PACS1: variants seen among roughly 807,000 people sequenced by gnomAD.
PACS1 encodes phosphofurin acidic cluster sorting protein 1.
Under a neutral mutation model 115.0 loss-of-function variants are expected in PACS1, and 24 were observed. That is an observed-to-expected ratio of 0.21 (90% CI 0.15 to 0.29). The LOEUF is 0.29. Among genes scored for constraint, PACS1 ranks in the 10% least tolerant of loss-of-function variants. The pLI, the probability that PACS1 is intolerant of heterozygous loss-of-function variation, is 1.00. For synonymous variants in PACS1, 453 were observed against 504.5 expected (o/e 0.90, Z 1.37); for missense variants, 838 against 1,251.2 (o/e 0.67, Z 4.98).
intron 1 of PACS1, among the ~76,000 whole-genome samples, chr11:66,083,409 G>A (rs1050351731): frequency 6.6e-6 from 1 of 152,142 alleles, no homozygotes; most frequent in Non-Finnish European, 1.5e-5. Flanking sequence ...AAGAATGGCC[G>A]TAATTATTAA....
chr11:66,189,340 A>T (rs892833286), intron 1 of PACS1, among the ~76,000 whole-genome samples: 1 of 152,224 alleles, frequency 6.6e-6, no homozygotes. Flanking sequence ...CTAAGGTACT[A>T]AATCTTTCTT....
chr11:66,173,090 G>T (rs1217985375), intron 1 of PACS1, among the ~76,000 whole-genome samples: 3 of 141,424 alleles, frequency 2.1e-5, no homozygotes, highest in Non-Finnish European at 4.5e-5. Flanking sequence ...TTTTGATTTT[G>T]GTTTTTTTTT....
chr11:66,132,394 C>A (rs1219596235), intron 1 of PACS1, among the ~76,000 whole-genome samples: 1 of 152,112 alleles, frequency 6.6e-6, no homozygotes, highest in East Asian at 1.9e-4. Flanking sequence ...TACCCAGTCT[C>A]ATGTAGTATC....
intron 2 of PACS1, among the ~76,000 whole-genome samples, chr11:66,198,609 T>A (rs973662320): frequency 3.3e-5 from 5 of 152,112 alleles, no homozygotes; most frequent in Non-Finnish European, 4.4e-5. Flanking sequence ...GTGGGCAGAC[T>A]GCAGAGGGTG....
At chr11:66,197,207 G>A (rs1854669910) in intron 2 of PACS1, among the ~76,000 whole-genome samples, 1 of 152,030 alleles carries the variant, frequency 6.6e-6, no homozygotes, top group Non-Finnish European at 1.5e-5. Flanking sequence ...AGTCTAAAGA[G>A]TTCCTGTATA....
At chr11:66,230,381 C>A (rs1234789365) in intron 11 of PACS1, 167 bp from the exon 12 acceptor site, 2 of 611,584 alleles carry the variant, frequency 3.3e-6, no homozygotes, top group African/African-American at 1.9e-5. Flanking sequence ...TGAACAGTGG[C>A]GATTTTCCTT....
At chr11:66,209,219 A>G (rs1855015714) in intron 2 of PACS1, among the ~76,000 whole-genome samples, 1 of 152,064 alleles carries the variant, frequency 6.6e-6, no homozygotes, top group Admixed American at 6.6e-5. Context: ...AAAGCATCCA[A>G]GAAGAGAAGA....
chr11:66,169,576 T>TTC (rs1270315256), intron 1 of PACS1, among the ~76,000 whole-genome samples: 2 of 144,876 alleles, frequency 1.4e-5, no homozygotes, highest in Admixed American at 6.8e-5. Flanking sequence ...ATTTTTTTTT[T>TTC]TTTTTTTTGT....
At chr11:66,126,189 A>G (rs1043145148) in intron 1 of PACS1, among the ~76,000 whole-genome samples, 1 of 152,180 alleles carries the variant, frequency 6.6e-6, no homozygotes, top group African/African-American at 2.4e-5. Context: ...CAGTGGTTTC[A>G]TAGTTGTATA....
intron 1 of PACS1, among the ~76,000 whole-genome samples, chr11:66,170,808 T>G (rs1590794139): frequency 7.0e-6 from 1 of 143,098 alleles, no homozygotes; most frequent in Admixed American, 7.0e-5. Context: ...CAGGGTGTGG[T>G]GGCATGCACG....
intron 1 of PACS1, among the ~76,000 whole-genome samples, chr11:66,172,713 G>A (rs944297389): frequency 2.0e-5 from 3 of 152,076 alleles, no homozygotes; most frequent in Non-Finnish European, 2.9e-5. Flanking sequence ...AGCCAGGTGC[G>A]GTGGCTCACA....
chr11:66,234,866 C>T (rs954994680), intron 17 of PACS1, among the ~76,000 whole-genome samples: 17 of 151,852 alleles, frequency 1.1e-4, no homozygotes, highest in African/African-American at 2.7e-4. Context: ...AGTGAAACTC[C>T]GTCTCAAAAG....
At position 66,235,922 on chromosome 11, in the gene PACS1, G is replaced by T; in HGVS notation, c.2232G>T (p.Lys744Asn). Residue 744 changes from lysine (K) to asparagine (N), a missense_variant, in exon 19 of 24, where the codon AAG becomes AAT. Physicochemically the swap from Lys to Asn is moderately conservative, Grantham distance 94 (BLOSUM62 0). This residue lies in a region of PACS1 where 383 missense variants were observed against 537.0 expected (regional missense o/e 0.71). Transcript: ENST00000320580. This position sits in a 1 kb window ranked among gnomAD's most constrained non-coding sequence, Gnocchi z 5.6. ...HKFPDEDSYQ[K>N]FIPFIGVVKV... is the part of the protein sequence containing the mutation. ...GCCCTGATGAAGACTCCTATCAGAA[G>T]TTTATTCCCTTCATTGGCGTGAGTA... The T allele has an allele frequency of 6.2e-7, 1 of 1,614,046 alleles. No homozygotes were observed. The highest frequency in any genetic ancestry group is 8.5e-7 in the Non-Finnish European group (1 of 1,179,942).
chr11:66,105,481 T>C (rs1417944620), intron 1 of PACS1, among the ~76,000 whole-genome samples: 3 of 152,150 alleles, frequency 2.0e-5, no homozygotes, highest in Non-Finnish European at 2.9e-5. Context: ...GAAATGTTTA[T>C]GGTAGGTCAA....
At chr11:66,130,023 A>AC (rs1039983499) in intron 1 of PACS1, among the ~76,000 whole-genome samples, 7 of 152,072 alleles carry the variant, frequency 4.6e-5, no homozygotes, top group Non-Finnish European at 8.8e-5. Context: ...CATCCAGTCT[A>AC]CCAACCAACC....
intron 1 of PACS1, among the ~76,000 whole-genome samples, chr11:66,107,316 C>T (rs1858072552): frequency 1.3e-5 from 2 of 152,070 alleles, no homozygotes; most frequent in Middle Eastern, 3.4e-3. Flanking sequence ...AAAGTGTTTG[C>T]TCATGTGTCA....
chr11:66,070,677 C>T lies in PACS1; in HGVS notation c.191C>T (p.Ala64Val). ...TCGTCCTCGTCCACCTCGGCGGCGGCTGCCTCCTCCTCGTCCTCGTCTACC... is the reference window on the plus strand; with the variant it reads ...TCGTCCTCGTCCACCTCGGCGGCGGTTGCCTCCTCCTCGTCCTCGTCTACC... ...TSSSSSTSAA[A>V]ASSSSSSTST... is the part of the protein sequence containing the mutation. Residue 64 changes from alanine (A) to valine (V), a missense_variant, in exon 1 of 24, where the codon GCT (alanine) becomes GTT (valine). Ala to Val is a moderately conservative substitution (Grantham distance 64). Around this residue, in one of 6 missense-constraint regions of PACS1, gnomAD observed 129 missense variants for 109.4 expected, o/e 1.18. Transcript: ENST00000320580. This position sits in a 1 kb window ranked among gnomAD's most constrained non-coding sequence, Gnocchi z 5.9. The T allele has an allele frequency of 6.3e-7, 1 of 1,574,850 alleles. No homozygotes were observed. Among genetic ancestry groups the T allele is most frequent in the Non-Finnish European group, 8.6e-7 (1 of 1,167,736 alleles).
intron 1 of PACS1, among the ~76,000 whole-genome samples, chr11:66,174,706 T>G (rs1859813079): frequency 6.6e-6 from 1 of 152,188 alleles, no homozygotes; most frequent in Non-Finnish European, 1.5e-5. Flanking sequence ...GAGACATGAT[T>G]GGCTTCCTGG....
chr11:66,180,789 G>A (rs1419721669), intron 1 of PACS1, among the ~76,000 whole-genome samples: 2 of 152,114 alleles, frequency 1.3e-5, no homozygotes, highest in Non-Finnish European at 2.9e-5. Context: ...CTCCCTAGTA[G>A]CTGGGACTAC....
Sources: gnomAD v4.1 joint callset for allele counts (sites outside exome capture counted in the v4.1 genomes callset) on GRCh38, gnomAD v4.1.1 for gene constraint, gnomAD v4.1.1 regional missense constraint, Gnocchi (gnomAD v3.1) non-coding constraint, MANE v1.5 for transcripts, NCBI Gene and HGNC (gene_info 2026-07-23, HGNC 2026-07-21) for gene names.